The following MAGI1 variants were observed in gnomAD, a reference collection of about 807,000 sequenced individuals.
The protein encoded by MAGI1 is membrane-associated guanylate kinase, WW and PDZ domain-containing protein 1.
Under a neutral mutation model 139.9 loss-of-function variants are expected in MAGI1, and 58 were observed. The ratio of observed to expected loss-of-function variants is 0.41; its 90% CI spans 0.34 to 0.52. The LOEUF (loss-of-function observed/expected upper bound fraction) is 0.52, where lower values mean the gene tolerates loss of function less well. Among genes scored for constraint, MAGI1 ranks in the 20% least tolerant of loss-of-function variants. MAGI1 has a pLI of 0.12. For synonymous variants in MAGI1, 812 were observed against 737.9 expected (o/e 1.10, Z -1.63); for missense variants, 1,874 against 1,901.6 (o/e 0.99, Z 0.27).
intron 1 of MAGI1, among the ~76,000 whole-genome samples, chr3:65,991,226 T>A (rs1477110452): frequency 1.4e-5 from 2 of 139,550 alleles, no homozygotes; most frequent in Non-Finnish European, 3.0e-5. Flanking sequence ...AAGGTGGCGG[T>A]TGCAATGAGC....
intron 1 of MAGI1, among the ~76,000 whole-genome samples, chr3:65,993,627 T>C (rs1431568104): frequency 6.6e-6 from 1 of 152,196 alleles, no homozygotes; most frequent in Non-Finnish European, 1.5e-5. Flanking sequence ...TTTAATCAAA[T>C]TGAATGAAAC....
chr3:65,454,724 CA>C (rs578221236), intron 5 of MAGI1, among the ~76,000 whole-genome samples: 126 of 121,038 alleles, frequency 1.0e-3, no homozygotes, highest in African/African-American at 3.6e-3. Context: ...TATTAATTGT[CA>C]AAAAAAAAAA....
At chr3:65,400,430 C>A (rs1025583550) in intron 13 of MAGI1, among the ~76,000 whole-genome samples, 9 of 152,078 alleles carry the variant, frequency 5.9e-5, no homozygotes, top group Non-Finnish European at 1.3e-4. Flanking sequence ...CGCCGTAAGC[C>A]GCAAAGTTTT....
intron 1 of MAGI1, chr3:65,688,322 T>C: frequency 1.4e-6 from 1 of 711,266 alleles, no homozygotes; most frequent in Non-Finnish European, 2.6e-6. Context: ...ATCTTACTTC[T>C]GAAATATCTA....
intron 1 of MAGI1, among the ~76,000 whole-genome samples, chr3:65,908,683 G>A (rs956124137): frequency 5.3e-5 from 8 of 152,152 alleles, no homozygotes; most frequent in Non-Finnish European, 8.8e-5. Flanking sequence ...AATCAGCTAC[G>A]TAAAAACTAG....
intron 1 of MAGI1, among the ~76,000 whole-genome samples, chr3:65,708,166 A>G (rs1369372271): frequency 6.6e-6 from 1 of 152,248 alleles, no homozygotes; most frequent in East Asian, 1.9e-4. Flanking sequence ...CCTGAGGTTC[A>G]AGACAGGACA....
intron 18 of MAGI1, among the ~76,000 whole-genome samples, chr3:65,370,762 G>A (rs982169179): frequency 5.9e-5 from 9 of 152,260 alleles, no homozygotes; most frequent in East Asian, 3.9e-4. Flanking sequence ...TCCCGCCAGC[G>A]TATCCTGCCC....
intron 1 of MAGI1, among the ~76,000 whole-genome samples, chr3:65,740,478 T>A (rs2035167854): frequency 6.6e-6 from 1 of 152,188 alleles, no homozygotes; most frequent in South Asian, 2.1e-4. Flanking sequence ...GAACCCTTTG[T>A]TTCTAACAGC....
At chr3:65,462,346 GT>G (rs1171249097) in intron 5 of MAGI1, among the ~76,000 whole-genome samples, 4 of 152,178 alleles carry the variant, frequency 2.6e-5, no homozygotes, top group African/African-American at 9.7e-5. Context: ...TGGCTAGCCA[GT>G]TTTTCCAACA....
intron 1 of MAGI1, among the ~76,000 whole-genome samples, chr3:65,777,733 T>C (rs2038582428): frequency 6.6e-6 from 1 of 151,912 alleles, no homozygotes; most frequent in Non-Finnish European, 1.5e-5. Context: ...CAAATGTATA[T>C]AGCTGGTTTC....
At chr3:65,560,174 T>C (rs932337786) in intron 2 of MAGI1, among the ~76,000 whole-genome samples, 12 of 152,236 alleles carry the variant, frequency 7.9e-5, no homozygotes, top group Non-Finnish European at 1.6e-4. Flanking sequence ...GAGAAATATA[T>C]AGGGGATTCC....
At chr3:65,762,940 C>T (rs2037155550) in intron 1 of MAGI1, among the ~76,000 whole-genome samples, 1 of 152,160 alleles carries the variant, frequency 6.6e-6, no homozygotes, top group African/African-American at 2.4e-5. Flanking sequence ...CAAGGATATT[C>T]ATTGCAACAT....
intron 1 of MAGI1, among the ~76,000 whole-genome samples, chr3:65,885,182 T>G (rs62245748): frequency 6.6e-6 from 1 of 152,102 alleles, no homozygotes; most frequent in Non-Finnish European, 1.5e-5. Flanking sequence ...GCAGATCACC[T>G]GAGGTCAAGA....
At chr3:65,900,148 G>C (rs538959773) in intron 1 of MAGI1, among the ~76,000 whole-genome samples, 1 of 152,210 alleles carries the variant, frequency 6.6e-6, no homozygotes, top group Admixed American at 6.5e-5. Context: ...CAAGAGATAG[G>C]CAGTATACAC....
chr3:65,506,346 C>T (rs1037189925), intron 2 of MAGI1, among the ~76,000 whole-genome samples: 3 of 152,130 alleles, frequency 2.0e-5, no homozygotes, highest in South Asian at 2.1e-4. Flanking sequence ...TGCCCACGCC[C>T]GCCCCCAACA....
intron 1 of MAGI1, among the ~76,000 whole-genome samples, chr3:66,015,611 A>G (rs1198594315): frequency 6.6e-6 from 1 of 152,234 alleles, no homozygotes; most frequent in Non-Finnish European, 1.5e-5. Context: ...GGGTACATAT[A>G]TGCTAGATAT....
intron 1 of MAGI1, among the ~76,000 whole-genome samples, chr3:65,972,234 G>A (rs891465): frequency 0.99 from 150,923 of 152,358 alleles, 74,775 homozygotes; most frequent in East Asian, 1. Flanking sequence ...AGAGAAGACC[G>A]TGGAAAGAGG....
chr3:65,672,156 T>C (rs1245117917), intron 1 of MAGI1, among the ~76,000 whole-genome samples: 2 of 152,136 alleles, frequency 1.3e-5, no homozygotes, highest in Non-Finnish European at 2.9e-5. Flanking sequence ...CAAATGACAC[T>C]GGGGAGTGTG....
chr3:66,031,843 G>A (rs1414673255), intron 1 of MAGI1, among the ~76,000 whole-genome samples: 3 of 151,274 alleles, frequency 2.0e-5, no homozygotes, highest in Non-Finnish European at 4.4e-5. Context: ...ATCATTTTTA[G>A]GCATGAGGAC....
Sources: allele counts gnomAD v4.1 joint callset (sites outside exome capture counted in the v4.1 genomes callset), GRCh38; gene constraint gnomAD v4.1.1; transcripts MANE v1.5; gene names NCBI Gene and HGNC (gene_info 2026-07-23, HGNC 2026-07-21).